The following ACOX3 variants were observed in gnomAD, a reference collection of about 807,000 sequenced individuals.
The protein encoded by ACOX3 is acyl-CoA oxidase 3, pristanoyl, also known as peroxisomal acyl-coenzyme A oxidase 3.
Under a neutral mutation model 81.5 loss-of-function variants are expected in ACOX3, and 73 were observed. That is an observed-to-expected ratio of 0.90 (90% confidence interval 0.74 to 1.09). The LOEUF (loss-of-function observed/expected upper bound fraction) is 1.09. ACOX3 is among the 50% of genes least tolerant of loss of function. ACOX3 has a pLI of 0.00. For synonymous variants in ACOX3, 387 were observed against 375.1 expected, an observed-to-expected ratio of 1.03 and a Z score of -0.37; for missense variants, 947 against 928.0, an observed-to-expected ratio of 1.02 and a Z score of -0.27.
intron 6 of ACOX3, among the ~76,000 whole-genome samples, chr4:8,408,909 GGGGGGT>G (rs1721363129): frequency 8.5e-5 from 9 of 105,986 alleles, no homozygotes; most frequent in African/African-American, 2.0e-4. Flanking sequence ...GGGGGTGGGG[GGGGGGT>G]GGGGGCGGTC....
rs954913121 is a variant in ACOX3, at chr4:8,386,497, T to C, written c.1537+2676A>G. Among the ~76,000 whole-genome samples the C allele has an allele frequency of 2.8e-4, 39 of 139,234 alleles. 1 individual carries two copies. Among genetic ancestry groups the C allele is most frequent in the African/African-American group, 6.5e-4 (24 of 36,824 alleles). The allele number at this position is 139,234 out of a possible 152,430, so 91.3% of individuals were successfully genotyped here. ...AGGAGAATGGCGAGAACCTGGGAGG[T>C]GGAGCTTGCAGTGAGCCGAGATCAT... On this transcript the variant is annotated intron_variant, in intron 13 of 17. Coordinates refer to ENST00000356406, the MANE Select transcript of ACOX3 (RefSeq NM_003501.3). The surrounding 1 kb of genome is among the most constrained non-coding windows in gnomAD (Gnocchi z 5.2).
chr4:8,397,111 C>T lies in ACOX3; in HGVS notation c.882G>A (p.Arg294=), dbSNP rs115988574. 2.6e-6 allele frequency: 4 copies of T among 1,554,624 alleles called. No homozygotes were observed. The highest frequency in any genetic ancestry group is 1.4e-5 in the African/African-American group (1 of 71,696). The part of the protein sequence containing the change: ...GTYVSPFKDV[R]QRFGASLGSL... Reference sequence around the variant, plus strand: ...TCCCCAGGGACGCTCCAAAGCGCTGCCTGACGTCCTACGGGAGGGACACAG... The same window carrying T: ...TCCCCAGGGACGCTCCAAAGCGCTGTCTGACGTCCTACGGGAGGGACACAG... Residue 294 remains arginine (R), a synonymous_variant, in exon 9 of 18, where the codon AGG becomes AGA. Transcript: ENST00000356406.
At chr4:8,427,316 GCT>G (rs1434671257) in intron 1 of ACOX3, among the ~76,000 whole-genome samples, 15 of 152,330 alleles carry the variant, frequency 9.8e-5, no homozygotes, top group East Asian at 1.9e-4. Flanking sequence ...TTGCATGGGA[GCT>G]CTGTTTTCAC....
Position 8,406,083 on chromosome 4 carries a change from C to A in ACOX3, c.688-40G>T, listed in dbSNP as rs145944359. ...AGAAAGCAGCAAACAGCAACTGTTA[C>A]AATCACACAAAAATCAAAACAAATG... On this transcript the variant is annotated intron_variant, in intron 6 of 17. Coordinates refer to ENST00000356406, the MANE Select transcript of ACOX3 (RefSeq NM_003501.3). This position sits in a 1 kb window ranked among gnomAD's most constrained non-coding sequence, Gnocchi z 5.6. 1.3e-6 allele frequency: 2 copies of A among 1,585,352 alleles called. No homozygotes were observed. The highest frequency in any genetic ancestry group is 1.7e-6 in the Non-Finnish European group (2 of 1,154,616).
intron 10 of ACOX3, among the ~76,000 whole-genome samples, chr4:8,392,815 T>C (rs1450691340): frequency 3.3e-5 from 5 of 152,130 alleles, no homozygotes; most frequent in African/African-American, 1.2e-4. Flanking sequence ...AAGGTTGCAA[T>C]TGTTTGCAGC....
rs1222292081 is a variant in ACOX3, at chr4:8,399,377, C to T, written c.873+179G>A. 2.6e-5 allele frequency among the ~76,000 whole-genome samples: 4 copies of T among 152,304 alleles called. No individual in the cohort carries two copies. In the East Asian group the frequency reaches 7.7e-4, roughly 29 times the overall value. On this transcript the variant is annotated intron_variant, in intron 8 of 17. Transcript: ENST00000356406. The surrounding 1 kb of genome is among the most constrained non-coding windows in gnomAD (Gnocchi z 4.9). ...ACACCAGCACCTGGTGCTGTGGCTGCCCCAAGAGTCCCCTTCTAGCGGGAG... is the reference window on the plus strand; with the variant it reads ...ACACCAGCACCTGGTGCTGTGGCTGTCCCAAGAGTCCCCTTCTAGCGGGAG...
Position 8,433,488 on chromosome 4 carries a change from T to C in ACOX3, c.-15+7160A>G, listed in dbSNP as rs1391226384. Among the ~76,000 whole-genome samples the C allele has an allele frequency of 4.6e-5, 7 of 152,216 alleles. 1 individual carries two copies. In the East Asian group the frequency reaches 1.3e-3, roughly 29 times the overall value. ...TTAGAACTATGAGAGAATAAATGCG[T>C]GTTGTTTTAAGCCACCAAACTTACG... On this transcript the variant is annotated intron_variant, in intron 1 of 17. Coordinates refer to ENST00000356406, the MANE Select transcript of ACOX3 (RefSeq NM_003501.3).
At chr4:8,434,370 C>T (rs890438818) in intron 1 of ACOX3, among the ~76,000 whole-genome samples, 4 of 152,222 alleles carry the variant, frequency 2.6e-5, no homozygotes, top group Non-Finnish European at 5.9e-5. Context: ...GTCTGCAGCT[C>T]GTCCTGCTAC....
At chr4:8,380,304 C>A (rs896252498) in intron 14 of ACOX3, among the ~76,000 whole-genome samples, 1 of 151,936 alleles carries the variant, frequency 6.6e-6, no homozygotes, top group African/African-American at 2.4e-5. Context: ...ACTCTCCTGC[C>A]TCAGCCTGCC....
intron 8 of ACOX3, 24 bp from the exon 9 acceptor site, chr4:8,397,143 A>C (rs1267978155): frequency 1.3e-6 from 2 of 1,521,396 alleles, no homozygotes; most frequent in East Asian, 2.4e-5. Context: ...ACAGATGATA[A>C]GCTCAAGCCC....
rs1478498155 is a variant in ACOX3, at chr4:8,400,167, T to C, written c.777-515A>G. 6.6e-6 allele frequency among the ~76,000 whole-genome samples: 1 copy of C among 151,870 alleles called. No homozygotes were observed. The highest frequency in any genetic ancestry group is 1.9e-4 in the East Asian group (1 of 5,188). On this transcript the variant is annotated intron_variant, in intron 7 of 17. Coordinates refer to ENST00000356406, the MANE Select transcript of ACOX3 (RefSeq NM_003501.3). This position sits in a 1 kb window ranked among gnomAD's most constrained non-coding sequence, Gnocchi z 4.4. Reference sequence around the variant, plus strand: ...TCAGGAGGCTGAGACAGGAGAATTGTTTGAACCCGGGCGGCGGAAGTTGCA... The same window carrying C: ...TCAGGAGGCTGAGACAGGAGAATTGCTTGAACCCGGGCGGCGGAAGTTGCA...
At chr4:8,398,613 C>T (rs1719987052) in intron 8 of ACOX3, among the ~76,000 whole-genome samples, 1 of 152,158 alleles carries the variant, frequency 6.6e-6, no homozygotes, top group Non-Finnish European at 1.5e-5. Context: ...AAGTAACGGA[C>T]CACAGGCACA....
Position 8,405,926 on chromosome 4 carries a change from C to G in ACOX3, c.776+29G>C. 1 of 1,604,966 alleles carries G rather than the reference C, an allele frequency of 6.2e-7. No homozygotes were observed. The highest frequency in any genetic ancestry group is 8.5e-7 in the Non-Finnish European group (1 of 1,171,806). On this transcript the variant is annotated intron_variant, in intron 7 of 17. Transcript: ENST00000356406. The surrounding 1 kb of genome is among the most constrained non-coding windows in gnomAD (Gnocchi z 7.1). ...ACGCAGCCTGGGCCTTGGCAGGAAG[C>G]TCAGGGCTCAGCAGCCTCTGTCACT...
At chr4:8,417,052 G>C (rs2631766) in intron 1 of ACOX3, among the ~76,000 whole-genome samples, 60,787 of 152,202 alleles carry the variant, frequency 0.4, 12,690 homozygotes, top group South Asian at 0.5. Context: ...TCTGATCACA[G>C]GCTTCTGCAC....
At chr4:8,380,050 C>G (rs1717442879) in intron 14 of ACOX3, among the ~76,000 whole-genome samples, 1 of 152,168 alleles carries the variant, frequency 6.6e-6, no homozygotes, top group African/African-American at 2.4e-5. Flanking sequence ...TGTGTATCAC[C>G]CAAGGTGGGT....
chr4:8,375,428 G>C (rs1716821860), intron 14 of ACOX3, among the ~76,000 whole-genome samples: 1 of 152,230 alleles, frequency 6.6e-6, no homozygotes, highest in African/African-American at 2.4e-5. Flanking sequence ...TCTGGGACTG[G>C]GGTTGGCACC....
rs1260480519 is a variant in ACOX3 at position 8,407,622 on chromosome 4, G to A, written c.688-1579C>T. Among the ~76,000 whole-genome samples, 1 of 152,186 alleles carries A rather than the reference G, an allele frequency of 6.6e-6. No homozygotes were observed. The highest frequency in any genetic ancestry group is 2.4e-5 in the African/African-American group (1 of 41,444). ...GGGCCGGTGCTGCCGGGAGGACGTCGGGAATTTCATATTCACGTTTTAGAC... is the reference window on the plus strand; with the variant it reads ...GGGCCGGTGCTGCCGGGAGGACGTCAGGAATTTCATATTCACGTTTTAGAC... On this transcript the variant is annotated intron_variant, in intron 6 of 17. Coordinates refer to ENST00000356406, the MANE Select transcript of ACOX3 (RefSeq NM_003501.3). The surrounding 1 kb of genome is among the most constrained non-coding windows in gnomAD (Gnocchi z 4.6).
At position 8,371,571 on chromosome 4, in the gene ACOX3, G is replaced by A. The variant is rs191752509; in HGVS notation, c.1897-577C>T. Among the ~76,000 whole-genome samples, 953 of 147,724 alleles carry A rather than the reference G, an allele frequency of 6.5e-3. 6 individuals carry two copies. Among genetic ancestry groups the A allele is most frequent in the Middle Eastern group, 0.024 (7 of 288 alleles). ...TATCCTTAAAATATGATGAAATGCC[G>A]TGGCTACACTGCATAGAACCCAGGA... On this transcript the variant is annotated intron_variant, in intron 16 of 17. Transcript: ENST00000356406.
rs1420699807 is a variant in ACOX3 at position 8,418,294 on chromosome 4, TATAA to T, written c.-14-1763_-14-1760del. On this transcript the variant is annotated intron_variant, in intron 1 of 17. Transcript: ENST00000356406. ...ATTTTATAAACTGAATCCAGCAACA[TATAA>T]AAAAGATTATATGTGCCAGGCATGG... is the stretch of plus-strand genomic sequence containing the variant. 1.2e-4 allele frequency among the ~76,000 whole-genome samples: 18 copies of T among 152,016 alleles called. 1 individual carries two copies. Among genetic ancestry groups the T allele is most frequent in the African/African-American group, 3.6e-4 (15 of 41,450 alleles).
Sources: gnomAD v4.1 joint callset for allele counts (sites outside exome capture counted in the v4.1 genomes callset) on GRCh38, gnomAD v4.1.1 for gene constraint, Gnocchi (gnomAD v3.1) non-coding constraint, MANE v1.5 for transcripts, NCBI Gene and HGNC (gene_info 2026-07-23, HGNC 2026-07-21) for gene names.